Variants in PTK2B observed in about 807,000 individuals in gnomAD.
PTK2B encodes protein-tyrosine kinase 2-beta.
Under a neutral mutation model 142.9 loss-of-function variants are expected in PTK2B, and 71 were observed. The observed-to-expected ratio is 0.50, with a 90% CI of 0.41 to 0.61. PTK2B has a LOEUF of 0.61. Among genes scored for constraint, PTK2B ranks in the 20% least tolerant of loss-of-function variants. PTK2B has a pLI of 0.00. For missense variants in PTK2B, 1,105 were observed against 1,320.4 expected (o/e 0.84, Z 2.53); for synonymous variants, 519 against 503.4 (o/e 1.03, Z -0.42).
At chr8:27,412,680 A>G (rs1049909386) in intron 2 of PTK2B, among the ~76,000 whole-genome samples, 2 of 152,146 alleles carry the variant, frequency 1.3e-5, no homozygotes, top group Non-Finnish European at 1.5e-5. Flanking sequence ...CTATCTTCCT[A>G]TGAAGATATG....
At chr8:27,310,977 C>T (rs147604361), upstream of PTK2B, 1,640 of 1,611,812 alleles carry the variant, frequency 1.0e-3, 2 homozygotes, top group Non-Finnish European at 1.3e-3. Context: ...GCGCCCTCGG[C>T]CTCCTCGCGC....
chr8:27,440,476 C>T lies in PTK2B; in HGVS notation c.2039+35C>T, dbSNP rs1329689194. On this transcript the variant is annotated intron_variant, in intron 21 of 30. Transcript: ENST00000346049. The stretch of plus-strand genomic sequence containing the variant: ...GAGTGTGGGCTGTGGGCTGGGGGCC[C>T]ACCCGGCTGCACCAGGGAGCAAGAC... 6 of 1,597,536 alleles carry T rather than the reference C, an allele frequency of 3.8e-6. No homozygotes were observed. In the African/African-American group the frequency reaches 8.0e-5, roughly 21 times the overall value.
intron 1 of PTK2B, among the ~76,000 whole-genome samples, chr8:27,327,203 G>A (rs562123063): frequency 2.0e-4 from 30 of 152,290 alleles, no homozygotes; most frequent in African/African-American, 6.5e-4. Context: ...AACCTAGAGC[G>A]TGCAGGGGCG....
intron 2 of PTK2B, among the ~76,000 whole-genome samples, chr8:27,419,657 T>TC (rs1267642871): frequency 1.3e-5 from 2 of 152,236 alleles, no homozygotes; most frequent in Non-Finnish European, 2.9e-5. Flanking sequence ...CTTTGCATTT[T>TC]CTCCTTCACT....
chr8:27,439,831 C>T (rs1341692082), intron 20 of PTK2B, among the ~76,000 whole-genome samples: 3 of 152,156 alleles, frequency 2.0e-5, no homozygotes, highest in Non-Finnish European at 4.4e-5. Context: ...CTCTCATTTT[C>T]CTGTTACGAA....
chr8:27,317,159 G>T (rs2130536597), intron 3 of PTK2B, among the ~76,000 whole-genome samples: 1 of 152,306 alleles, frequency 6.6e-6, no homozygotes, highest in Admixed American at 6.5e-5. Context: ...CTCATTTTCA[G>T]AGCTAAGAAA....
chr8:27,438,096 T>A lies in PTK2B; in HGVS notation c.1643+216T>A, dbSNP rs75872246. 2,121 of 520,110 alleles carry A rather than the reference T, an allele frequency of 4.1e-3. 30 individuals carry two copies. The highest frequency in any genetic ancestry group is 0.032 in the African/African-American group (1,668 of 52,652). The allele number at this position is 520,110 out of a possible 1,614,324, so 32.2% of individuals were successfully genotyped here. A position where few individuals can be genotyped will look rare whatever the true frequency, so the allele number is the denominator to read the frequency against. Reference sequence around the variant, plus strand: ...ATGTACCTCATGGGGTTGTTACGAGTAACTCTGAAGTCCGAGGTGTCTGTC... The same window carrying A: ...ATGTACCTCATGGGGTTGTTACGAGAAACTCTGAAGTCCGAGGTGTCTGTC... On this transcript the variant is annotated intron_variant, in intron 18 of 30. Transcript: ENST00000346049.
At chr8:27,443,785 C>G (rs1025042441) in intron 22 of PTK2B, among the ~76,000 whole-genome samples, 5 of 152,158 alleles carry the variant, frequency 3.3e-5, no homozygotes, top group African/African-American at 1.2e-4. Flanking sequence ...CTCACTTGTC[C>G]CTCTTGCCTG....
upstream of PTK2B, chr8:27,311,289 C>CGCCCGCT: frequency 6.9e-7 from 1 of 1,447,712 alleles, no homozygotes; most frequent in Non-Finnish European, 9.1e-7. Context: ...CCCTCCCACC[C>CGCCCGCT]GCCCGGCTGC....
At chr8:27,435,712 T>C (rs1285597982) in intron 13 of PTK2B, 31 bp from the exon 14 acceptor site, 1 of 1,613,418 alleles carries the variant, frequency 6.2e-7, no homozygotes, top group African/African-American at 1.3e-5. Context: ...GGGCATCTTG[T>C]CCACGGCTGA....
At chr8:27,329,834 G>A (rs1046124551) in intron 1 of PTK2B, among the ~76,000 whole-genome samples, 2 of 152,116 alleles carry the variant, frequency 1.3e-5, no homozygotes, top group Admixed American at 6.5e-5. Context: ...CCTGAGTGAC[G>A]TTAGGTAGGT....
upstream of PTK2B, among the ~76,000 whole-genome samples, chr8:27,324,394 G>T (rs1021173524): frequency 7.9e-5 from 12 of 152,262 alleles, no homozygotes; most frequent in Non-Finnish European, 1.8e-4. Flanking sequence ...CCCATGCTGG[G>T]CAGGTGGGCC....
chr8:27,437,351 C>T, intron 16 of PTK2B, 45 bp from the exon 17 acceptor site: 1 of 1,583,002 alleles, frequency 6.3e-7, no homozygotes. Context: ...CTGAATTGGA[C>T]CTTTGAGCCG....
chr8:27,454,925 G>A (rs983025028), intron 30 of PTK2B, among the ~76,000 whole-genome samples: 7 of 150,564 alleles, frequency 4.6e-5, no homozygotes, highest in African/African-American at 1.5e-4. Context: ...TTGCCTTGCC[G>A]TCTGTGTTAA....
intron 2 of PTK2B, among the ~76,000 whole-genome samples, chr8:27,398,392 C>T (rs182113286): frequency 6.6e-6 from 1 of 152,302 alleles, no homozygotes; most frequent in East Asian, 1.9e-4. Context: ...CACCTGGACA[C>T]CAGGATGCCA....
chr8:27,370,524 T>G (rs533016023), intron 1 of PTK2B, among the ~76,000 whole-genome samples: 77 of 152,358 alleles, frequency 5.1e-4, no homozygotes, highest in Non-Finnish European at 1.0e-3. Flanking sequence ...TTCCCTCTCT[T>G]GTCCCTTACC....
upstream of PTK2B, chr8:27,310,654 C>T (rs1802912014): frequency 1.1e-6 from 1 of 918,132 alleles, no homozygotes; most frequent in Admixed American, 2.9e-5. Flanking sequence ...CCCTGAGAAC[C>T]TGGGTCGGAG....
intron 30 of PTK2B, 82 bp downstream of exon 30, chr8:27,454,693 C>T: frequency 2.1e-6 from 3 of 1,408,028 alleles, no homozygotes; most frequent in Non-Finnish European, 2.0e-6. Flanking sequence ...ATGATGGCTG[C>T]CTGGGCAACC....
intron 1 of PTK2B, among the ~76,000 whole-genome samples, chr8:27,350,990 A>AATATATAT (rs1161548916): frequency 2.6e-3 from 31 of 12,058 alleles, no homozygotes; most frequent in Non-Finnish European, 3.8e-3. Flanking sequence ...AAAAAAAAAA[A>AATATATAT]ATATATATAT....
Sources: gnomAD v4.1 joint callset for allele counts (sites outside exome capture counted in the v4.1 genomes callset) on GRCh38, gnomAD v4.1.1 for gene constraint, MANE v1.5 for transcripts, NCBI Gene and HGNC (gene_info 2026-07-23, HGNC 2026-07-21) for gene names.